The following EEF1D variants were observed in gnomAD, a reference collection of about 807,000 sequenced individuals.
The protein encoded by EEF1D is eukaryotic translation elongation factor 1 delta, also known as elongation factor 1-delta.
A neutral mutation model predicts 63.9 loss-of-function variants in EEF1D; 47 were observed. The observed-to-expected ratio is 0.74, with a 90% CI of 0.58 to 0.94. The LOEUF (loss-of-function observed/expected upper bound fraction) is 0.94, where lower values mean the gene tolerates loss of function less well. Ranked by LOEUF, EEF1D falls within the 40% of genes least tolerant of loss-of-function variation. EEF1D has a pLI of 0.00. For missense variants in EEF1D, 907 were observed against 899.0 expected (o/e 1.01, Z -0.11); for synonymous variants, 412 against 386.1 (o/e 1.07, Z -0.79).
Position 143,589,355 on chromosome 8 carries a change from C to T in EEF1D, c.727G>A (p.Glu243Lys), listed in dbSNP as rs904092872. The change falls in exon 3 of 10, where the codon GAG (glutamate) becomes AAG (lysine). Residue 243 changes from glutamate to lysine, a missense_variant. Transcript: ENST00000618139. ...AACAGGGCCTCGTAGAAGCCCCTCT[C>T]GGCTGCATCATACCGGGGCTTCTCC... ...WLEKPRYDAA[E>K]RGFYEALFDG... 4.5e-6 allele frequency: 7 copies of T among 1,573,018 alleles called. No individual in the cohort carries two copies. Among genetic ancestry groups the T allele is most frequent in the Non-Finnish European group, 6.0e-6 (7 of 1,157,314 alleles).
In EEF1D at chr8:143,580,082, T is replaced by C; in HGVS notation, c.1835A>G (p.Gln612Arg). ...VGYGIRKLQI[Q>R]CVVEDDKVGT... ...CACCTTGTCGTCCTCCACCACACAC[T>C]GAATCTGTAGCTTCCGGATACCGTA... is the stretch of plus-strand genomic sequence containing the variant. Residue 612 changes from glutamine to arginine, a missense_variant, in exon 9 of 10, where the codon CAG becomes CGG. Transcript: ENST00000618139. The C allele has an allele frequency of 1.2e-6, 2 of 1,614,008 alleles. No homozygotes were observed.
intron 2 of EEF1D, chr8:143,590,652 C>T (rs1827788951): frequency 1.0e-6 from 1 of 973,310 alleles, no homozygotes; most frequent in Non-Finnish European, 1.2e-6. Context: ...CACCTGTAAT[C>T]CCAACACTTT....
intron 1 of EEF1D, 46 bp from the exon 2 acceptor site, chr8:143,592,706 A>G (rs757822731): frequency 2.0e-6 from 2 of 985,692 alleles, no homozygotes; most frequent in Non-Finnish European, 2.4e-6. Context: ...GGCAGCCAGA[A>G]AGACTAACCG....
intron 5 of EEF1D, chr8:143,581,729 G>C: frequency 4.7e-6 from 1 of 211,418 alleles, no homozygotes; most frequent in Non-Finnish European, 9.5e-6. Flanking sequence ...GGCGGGAGCA[G>C]CTGAGGGCCC....
chr8:143,593,438 G>T (rs545802259), intron 1 of EEF1D, among the ~76,000 whole-genome samples: 119 of 152,330 alleles, frequency 7.8e-4, no homozygotes, highest in Non-Finnish European at 1.3e-3. Flanking sequence ...CCATGTCCTG[G>T]GTGGGACTGG....
chr8:143,581,134 C>A lies in EEF1D; in HGVS notation c.1408G>T (p.Ala470Ser). Residue 470 changes from alanine to serine, a missense_variant, in exon 7 of 10, where the codon GCC (alanine) becomes TCC (serine). Ala to Ser is a moderately conservative substitution (Grantham distance 99, BLOSUM62 1). Coordinates refer to ENST00000618139, the MANE Select transcript of EEF1D (RefSeq NM_001130053.5). Reference protein sequence around the residue: ...LRGVVQELQQAISKLEARLNV... With the variant: ...LRGVVQELQQSISKLEARLNV... Reference sequence around the variant, plus strand: ...AGCCGGGCCTCCAGCTTGGAGATGGCCTGCTGCAGCTCCTGTACCACTGGG... The same window carrying A: ...AGCCGGGCCTCCAGCTTGGAGATGGACTGCTGCAGCTCCTGTACCACTGGG... 1 of 1,612,978 alleles carries A rather than the reference C, an allele frequency of 6.2e-7. No individual in the cohort carries two copies. The highest frequency in any genetic ancestry group is 8.5e-7 in the Non-Finnish European group (1 of 1,179,968).
chr8:143,581,147 C>T lies in EEF1D; in HGVS notation c.1395G>A (p.Gln465=). ...GCTTGGAGATGGCCTGCTGCAGCTC[C>T]TGTACCACTGGGGGGGCAAGGGGAG... ...VENQSLRGVV[Q]ELQQAISKLE... Residue 465 remains glutamine, a synonymous_variant, in exon 7 of 10, where the codon CAG becomes CAA. Transcript: ENST00000618139. 3 of 1,613,004 alleles carry T rather than the reference C, an allele frequency of 1.9e-6. No individual in the cohort carries two copies. Among genetic ancestry groups the T allele is most frequent in the Non-Finnish European group, 2.5e-6 (3 of 1,179,962 alleles).
chr8:143,588,162 G>A (rs1777813111), intron 3 of EEF1D, among the ~76,000 whole-genome samples: 2 of 152,138 alleles, frequency 1.3e-5, no homozygotes, highest in Admixed American at 6.5e-5. Flanking sequence ...AGGTTATCTT[G>A]TTAACCAGCA....
Position 143,580,529 on chromosome 8 carries a change from A to T in EEF1D, c.1687T>A (p.Ser563Thr), listed in dbSNP as rs147713561. 26 of 1,612,778 alleles carry T rather than the reference A, an allele frequency of 1.6e-5. No homozygotes were observed. Among genetic ancestry groups the T allele is most frequent in the Admixed American group, 3.3e-5 (2 of 60,018 alleles). The change falls in exon 8 of 10, where the codon TCC becomes ACC. Residue 563 changes from serine (S) to threonine (T), a missense_variant. Transcript: ENST00000618139. ...AKKPALVAKS[S>T]ILLDVKPWDD... ...ACAGGCTTGACATCCAGCAGGATGGAGGACTTGGCCACCAGTGCAGGCTTC... is the reference window on the plus strand; with the variant it reads ...ACAGGCTTGACATCCAGCAGGATGGTGGACTTGGCCACCAGTGCAGGCTTC...
At chr8:143,586,876 C>G (rs768931689) in intron 3 of EEF1D, 24 bp from the exon 4 acceptor site, 1 of 1,612,070 alleles carries the variant, frequency 6.2e-7, no homozygotes, top group Non-Finnish European at 8.5e-7. Context: ...GAGGCAAAGT[C>G]AGCATGGCTG....
intron 5 of EEF1D, chr8:143,582,454 C>T (rs3793367): frequency 0.77 from 117,455 of 152,254 alleles, 45,781 homozygotes; most frequent in East Asian, 0.88. Flanking sequence ...CTTTGGGGCG[C>T]CAGGGGGCAT....
intron 2 of EEF1D, chr8:143,592,188 C>A: frequency 1.0e-6 from 1 of 985,418 alleles, no homozygotes; most frequent in South Asian, 4.7e-5. Flanking sequence ...GCGGTGGTAC[C>A]CCCACCAGTC....
At chr8:143,586,133 C>G in intron 5 of EEF1D, 86 bp downstream of exon 5, 2 of 1,339,422 alleles carry the variant, frequency 1.5e-6, no homozygotes, top group South Asian at 1.3e-5. Context: ...TGCTGTGAAG[C>G]CAAAACAACC....
Position 143,589,303 on chromosome 8 carries a change from C to T in EEF1D, c.779G>A (p.Arg260His), listed in dbSNP as rs752471413. Residue 260 changes from arginine (R) to histidine (H), a missense_variant, in exon 3 of 10, where the codon CGC (arginine) becomes CAC (histidine). Coordinates refer to ENST00000618139, the MANE Select transcript of EEF1D (RefSeq NM_001130053.5). ...GGCCAGGCCGGCTCGCTCTTGCAGGCGCACCTTCCCTGGGGGATGGCCGTC... is the reference window on the plus strand; with the variant it reads ...GGCCAGGCCGGCTCGCTCTTGCAGGTGCACCTTCCCTGGGGGATGGCCGTC... ...LFDGHPPGKV[R>H]LQERAGLAEG... 26 of 1,587,014 alleles carry T rather than the reference C, an allele frequency of 1.6e-5. No homozygotes were observed. In the East Asian group the frequency reaches 3.5e-4, roughly 21 times the overall value.
rs1004759417 is a variant in EEF1D at position 143,580,536 on chromosome 8, G to C, written c.1680C>G (p.Ala560=). ...TGACATCCAGCAGGATGGAGGACTT[G>C]GCCACCAGTGCAGGCTTCTTGGCCT... ...EKKAKKPALV[A]KSSILLDVKP... The change falls in exon 8 of 10, where the codon GCC becomes GCG. Residue 560 remains alanine, a synonymous_variant. Coordinates refer to ENST00000618139, the MANE Select transcript of EEF1D (RefSeq NM_001130053.5). 1.3e-5 allele frequency: 21 copies of C among 1,612,766 alleles called. No homozygotes were observed. The African/African-American group carries it at 2.4e-4, about 18-fold the overall frequency.
At chr8:143,595,853 T>G (rs1258424499) in intron 1 of EEF1D, among the ~76,000 whole-genome samples, 1 of 152,234 alleles carries the variant, frequency 6.6e-6, no homozygotes, top group Non-Finnish European at 1.5e-5. Flanking sequence ...ACGGCACCCT[T>G]GGCTGTCAGC....
At chr8:143,585,001 C>A (rs1447915595) in intron 5 of EEF1D, among the ~76,000 whole-genome samples, 1 of 152,118 alleles carries the variant, frequency 6.6e-6, no homozygotes, top group Non-Finnish European at 1.5e-5. Context: ...TCCCCCATGC[C>A]TGATTGGATG....
chr8:143,591,048 C>A (rs796494049), intron 2 of EEF1D, among the ~76,000 whole-genome samples: 5 of 152,314 alleles, frequency 3.3e-5, no homozygotes, highest in African/African-American at 1.2e-4. Context: ...AGGGGCCAAG[C>A]GCCTGGAGCA....
chr8:143,586,903 A>G, intron 3 of EEF1D, 51 bp from the exon 4 acceptor site: 1 of 1,606,850 alleles, frequency 6.2e-7, no homozygotes, highest in Non-Finnish European at 8.5e-7. Flanking sequence ...GGGCCTCGGC[A>G]TCAGGACAGC....
Sources: allele counts gnomAD v4.1 joint callset (sites outside exome capture counted in the v4.1 genomes callset), GRCh38; gene constraint gnomAD v4.1.1; transcripts MANE v1.5; gene names NCBI Gene and HGNC (gene_info 2026-07-23, HGNC 2026-07-21).